ZZEF1: variants seen among roughly 807,000 people sequenced by gnomAD.
ZZEF1 encodes the protein zinc finger ZZ-type and EF-hand domain-containing protein 1.
In ZZEF1, 157 loss-of-function variants were observed where a neutral mutation model predicts 342.8. That is an observed-to-expected ratio of 0.46 (90% CI 0.40 to 0.52). The LOEUF is 0.52. ZZEF1 is among the 20% of genes least tolerant of loss of function. ZZEF1 has a pLI of 0.00. For missense variants in ZZEF1, 3,480 were observed against 3,725.6 expected, an observed-to-expected ratio of 0.93 and a Z score of 1.72; for synonymous variants, 1,505 against 1,429.1, an observed-to-expected ratio of 1.05 and a Z score of -1.20.
chr17:4,075,208 T>G (rs1394491286), intron 22 of ZZEF1, 30 bp from the exon 23 acceptor site: 2 of 1,613,798 alleles, frequency 1.2e-6, no homozygotes, highest in Non-Finnish European at 1.7e-6. Context: ...ATTAGCTTCC[T>G]TCTCTCATTG....
chr17:4,108,924 T>G (rs1052046346), intron 6 of ZZEF1, among the ~76,000 whole-genome samples: 1 of 152,182 alleles, frequency 6.6e-6, no homozygotes, highest in Non-Finnish European at 1.5e-5. Flanking sequence ...ATTAGCAATC[T>G]CTTTTTGGCT....
In ZZEF1 at chr17:4,130,260, C is replaced by T. The variant is rs564526994; in HGVS notation, c.355-6209G>A. 3.9e-5 allele frequency among the ~76,000 whole-genome samples: 6 copies of T among 152,234 alleles called. No homozygotes were observed. The South Asian group carries it at 1.2e-3, about 32-fold the overall frequency. The stretch of plus-strand genomic sequence containing the variant: ...CCTGAGGTCAGGAGTTTGAAACTAG[C>T]CTGGCCAACATGCGAAACCACATCT... On this transcript the variant is annotated intron_variant, in intron 1 of 54. Transcript: ENST00000381638.
Position 4,006,730 on chromosome 17 carries a change from GGGAGCTCTT to G in ZZEF1, c.*151_*159del, listed in dbSNP as rs1196731234. 2.0e-5 allele frequency: 15 copies of G among 733,920 alleles called. No homozygotes were observed. The East Asian group carries it at 4.0e-4, about 20-fold the overall frequency. The allele number at this position is 733,920 out of a possible 1,614,324, so 45.5% of individuals were successfully genotyped here. ...CTGTGCTTGTGTCCAGCCTACGCAC[GGGAGCTCTT>G]GGAGACGTGGCTGCTTGGCATCCTA... On this transcript the variant is annotated 3_prime_UTR_variant, in exon 55 of 55. Coordinates refer to ENST00000381638, the MANE Select transcript of ZZEF1 (RefSeq NM_015113.4).
chr17:4,025,996 A>C (rs2056395083), intron 42 of ZZEF1, among the ~76,000 whole-genome samples: 1 of 152,166 alleles, frequency 6.6e-6, no homozygotes, highest in Non-Finnish European at 1.5e-5. Flanking sequence ...AGGGAGGTCA[A>C]GGCTGCTAGA....
In ZZEF1 at chr17:4,016,341, G is replaced by A; in HGVS notation, c.8127C>T (p.Asn2709=). 1.1e-5 allele frequency: 17 copies of A among 1,614,056 alleles called. No homozygotes were observed. Among genetic ancestry groups the A allele is most frequent in the Non-Finnish European group, 1.4e-5 (17 of 1,179,978 alleles). Residue 2709 remains asparagine (N), a synonymous_variant, in exon 49 of 55, where the codon AAC becomes AAT. Coordinates refer to ENST00000381638, the MANE Select transcript of ZZEF1 (RefSeq NM_015113.4). The surrounding 1 kb of genome is among the most constrained non-coding windows in gnomAD (Gnocchi z 4.4). Reference sequence around the variant, plus strand: ...GGCTTACCTCGAAGTTGGTGTTGTTGTTATACGGGTGTTTCGACTCCCTCA... The same window carrying A: ...GGCTTACCTCGAAGTTGGTGTTGTTATTATACGGGTGTTTCGACTCCCTCA... ...VQVRESKHPY[N]NNTNFEDKVH...
chr17:4,021,241 C>A lies in ZZEF1; in HGVS notation c.7292G>T (p.Arg2431Leu). 2 of 1,614,234 alleles carry A rather than the reference C, an allele frequency of 1.2e-6. No homozygotes were observed. Among genetic ancestry groups the A allele is most frequent in the Non-Finnish European group, 1.7e-6 (2 of 1,180,038 alleles). The change falls in exon 45 of 55, where the codon CGA (arginine) becomes CTA (leucine). Residue 2431 changes from arginine to leucine, a missense_variant. Transcript: ENST00000381638. Reference sequence around the variant, plus strand: ...TTCCACCTCTTCCTCTCGGTCCCCTCGCTCATCCAGCTCTAGGTCTCCGTG... The same window carrying A: ...TTCCACCTCTTCCTCTCGGTCCCCTAGCTCATCCAGCTCTAGGTCTCCGTG... ...AEHGDLELDE[R>L]GDREEEVERP...
Position 4,070,749 on chromosome 17 carries a change from A to G in ZZEF1, c.4010T>C (p.Val1337Ala). The G allele has an allele frequency of 6.2e-7, 1 of 1,614,198 alleles. No individual in the cohort carries two copies. The highest frequency in any genetic ancestry group is 8.5e-7 in the Non-Finnish European group (1 of 1,180,044). Residue 1337 changes from valine (V) to alanine (A), a missense_variant, in exon 26 of 55, where the codon GTG becomes GCG. By Grantham distance (64) the Val-to-Ala change is moderately conservative. Transcript: ENST00000381638. Reference protein sequence around the residue: ...IVAGSTIDQAVNATFAALVYR... With the variant: ...IVAGSTIDQAANATFAALVYR... The stretch of plus-strand genomic sequence containing the variant: ...CACCAGAGCAGCAAAGGTGGCGTTC[A>G]CAGCTTGATCAATAGTGGAACCAGC...
chr17:4,060,921 G>A (rs541676876), intron 30 of ZZEF1, among the ~76,000 whole-genome samples: 2 of 152,184 alleles, frequency 1.3e-5, no homozygotes, highest in African/African-American at 4.8e-5. Context: ...CTCTCTTCCT[G>A]CACCAAGTTT....
intron 25 of ZZEF1, among the ~76,000 whole-genome samples, chr17:4,072,070 G>C (rs1037340153): frequency 2.0e-5 from 3 of 151,982 alleles, no homozygotes; most frequent in African/African-American, 4.8e-5. Flanking sequence ...ATTTAACAGA[G>C]GCAAGGAGAA....
chr17:4,116,242 C>T (rs1404979492), intron 3 of ZZEF1, among the ~76,000 whole-genome samples: 3 of 152,260 alleles, frequency 2.0e-5, no homozygotes, highest in East Asian at 1.9e-4. Flanking sequence ...TCGCTCGAAC[C>T]CAGGAGGTGG....
intron 37 of ZZEF1, among the ~76,000 whole-genome samples, chr17:4,047,469 C>A (rs1186828646): frequency 2.0e-5 from 3 of 152,000 alleles, no homozygotes; most frequent in Non-Finnish European, 2.9e-5. Context: ...CATGGCAAAA[C>A]CCCATCCCTA....
chr17:4,114,860 G>A (rs2058369528), intron 3 of ZZEF1, among the ~76,000 whole-genome samples: 1 of 152,132 alleles, frequency 6.6e-6, no homozygotes, highest in Non-Finnish European at 1.5e-5. Context: ...TAAATAATGA[G>A]TGACACTTTT....
chr17:4,041,327 G>A (rs1237518381), intron 39 of ZZEF1, among the ~76,000 whole-genome samples: 1 of 152,030 alleles, frequency 6.6e-6, no homozygotes, highest in Non-Finnish European at 1.5e-5. Context: ...GCATACCCCT[G>A]TGAATTGTGA....
At chr17:4,038,447 A>T (rs2056724732) in intron 39 of ZZEF1, among the ~76,000 whole-genome samples, 1 of 152,230 alleles carries the variant, frequency 6.6e-6, no homozygotes, top group African/African-American at 2.4e-5. Flanking sequence ...AACAGTGAAA[A>T]TGAATAAAGG....
In ZZEF1 at chr17:4,008,742, C is replaced by A; in HGVS notation, c.8805+141G>T. The stretch of plus-strand genomic sequence containing the variant: ...CTCTCTGAGCACCAGGAGGAAGTGA[C>A]TGAACTGGAACAAGCTCTGTGTAAG... On this transcript the variant is annotated intron_variant, in intron 54 of 54. Coordinates refer to ENST00000381638, the MANE Select transcript of ZZEF1 (RefSeq NM_015113.4). The surrounding 1 kb of genome is among the most constrained non-coding windows in gnomAD (Gnocchi z 4.2). The A allele has an allele frequency of 7.0e-7, 1 of 1,426,236 alleles. No individual in the cohort carries two copies. Among genetic ancestry groups the A allele is most frequent in the Non-Finnish European group, 9.2e-7 (1 of 1,088,194 alleles). 88.3% of individuals were successfully genotyped at this position (1,426,236 alleles called of 1,614,324 possible).
chr17:4,124,110 A>T, intron 1 of ZZEF1, 59 bp from the exon 2 acceptor site: 2 of 1,517,652 alleles, frequency 1.3e-6, no homozygotes, highest in Non-Finnish European at 1.8e-6. Flanking sequence ...GGGCAGTTTC[A>T]AGTTTCTTTT....
At chr17:4,102,615 C>T (rs956525472) in intron 8 of ZZEF1, among the ~76,000 whole-genome samples, 200 bp from the exon 9 acceptor site, 3 of 152,188 alleles carry the variant, frequency 2.0e-5, no homozygotes, top group Non-Finnish European at 2.9e-5. Context: ...AGACAAAGTA[C>T]AGCTATGGCC....
In ZZEF1 at chr17:4,006,486, T is replaced by A; in HGVS notation, c.*404A>T. The A allele has an allele frequency of 3.9e-6, 1 of 256,334 alleles. No homozygotes were observed. The highest frequency in any genetic ancestry group is 7.7e-6 in the Non-Finnish European group (1 of 129,810). The allele number at this position is 256,334 out of a possible 1,614,324, so 15.9% of individuals were successfully genotyped here. A position where few individuals can be genotyped will look rare whatever the true frequency, so the allele number is the denominator to read the frequency against. ...GGGGGTCTTGCTGGAAAGGTGGATC[T>A]GGGTGGACTGTGCCTCCCTCTGAAG... On this transcript the variant is annotated 3_prime_UTR_variant, in exon 55 of 55. Transcript: ENST00000381638.
chr17:4,120,484 T>C (rs1328812971), intron 2 of ZZEF1, among the ~76,000 whole-genome samples: 1 of 152,198 alleles, frequency 6.6e-6, no homozygotes, highest in East Asian at 1.9e-4. Flanking sequence ...TAAGGAGAAT[T>C]GGCTCACACA....
Sources: gnomAD v4.1 joint callset for allele counts (sites outside exome capture counted in the v4.1 genomes callset) on GRCh38, gnomAD v4.1.1 for gene constraint, Gnocchi (gnomAD v3.1) non-coding constraint, MANE v1.5 for transcripts, NCBI Gene and HGNC (gene_info 2026-07-23, HGNC 2026-07-21) for gene names.